The following NALF1 variants were observed in gnomAD, a reference collection of about 807,000 sequenced individuals.
NALF1 encodes the protein family with sequence similarity 155 member A.
In NALF1, 3 loss-of-function variants were observed where a neutral mutation model predicts 48.4. The ratio of observed to expected loss-of-function variants is 0.06; its 90% CI spans 0.03 to 0.16. The LOEUF is 0.16. Among genes scored for constraint, NALF1 ranks in the 10% least tolerant of loss-of-function variants. The pLI, the probability that NALF1 is intolerant of heterozygous loss-of-function variation, is 1.00. For synonymous variants in NALF1, 262 were observed against 245.7 expected, an observed-to-expected ratio of 1.07 and a Z score of -0.62; for missense variants, 526 against 571.5, an observed-to-expected ratio of 0.92 and a Z score of 0.81.
chr13:107,491,545 C>T (rs1875113600), intron 1 of NALF1, among the ~76,000 whole-genome samples: 1 of 152,112 alleles, frequency 6.6e-6, no homozygotes, highest in African/African-American at 2.4e-5. Context: ...GTGAGGGCAG[C>T]CCTATCATTC....
intron 1 of NALF1, among the ~76,000 whole-genome samples, chr13:107,256,513 G>A (rs1214688214): frequency 6.6e-6 from 1 of 152,160 alleles, no homozygotes; most frequent in Non-Finnish European, 1.5e-5. Context: ...AATTTGAGTA[G>A]CATGACAAAT....
At chr13:107,494,121 T>C (rs1237773701) in intron 1 of NALF1, among the ~76,000 whole-genome samples, 1 of 138,656 alleles carries the variant, frequency 7.2e-6, no homozygotes, top group Non-Finnish European at 1.5e-5. Context: ...GAACTACTGA[T>C]AAAAACAGAA....
At chr13:107,190,784 T>G (rs1397773106) in intron 2 of NALF1, among the ~76,000 whole-genome samples, 1 of 152,220 alleles carries the variant, frequency 6.6e-6, no homozygotes, top group African/African-American at 2.4e-5. Context: ...ATTTTAATAT[T>G]TCCAGTAGAA....
At chr13:107,788,400 T>C (rs1197210312) in intron 1 of NALF1, 1 of 152,214 alleles carries the variant, frequency 6.6e-6, no homozygotes, top group Admixed American at 6.5e-5. Context: ...TCTCTCTCTC[T>C]CTCTTCTTCC....
rs1594318400 is a variant in NALF1, at chr13:107,859,109, A to C, written c.915+6573T>G. On this transcript the variant is annotated intron_variant, in intron 1 of 2. Transcript: ENST00000375915. ...CACAGGCTCTGGAAATGCAGCTAAC[A>C]AATGGCAGGAGAGGACCCAGCGATG... 1.3e-5 allele frequency among the ~76,000 whole-genome samples: 2 copies of C among 152,320 alleles called. 1 individual carries two copies.
intron 1 of NALF1, among the ~76,000 whole-genome samples, chr13:107,570,214 T>C (rs1877945202): frequency 6.6e-6 from 1 of 152,064 alleles, no homozygotes; most frequent in Admixed American, 6.6e-5. Context: ...AGACTAGAAC[T>C]GCCAGTGCTA....
intron 1 of NALF1, among the ~76,000 whole-genome samples, chr13:107,755,994 A>G (rs1877081942): frequency 6.6e-6 from 1 of 152,168 alleles, no homozygotes; most frequent in Admixed American, 6.5e-5. Flanking sequence ...ACTTCAACTG[A>G]TATCAGAGCT....
chr13:107,262,642 A>T (rs1301369001), intron 1 of NALF1, among the ~76,000 whole-genome samples: 1 of 152,180 alleles, frequency 6.6e-6, no homozygotes, highest in Admixed American at 6.5e-5. Flanking sequence ...TTATGATAAG[A>T]ATAAGCACTG....
At chr13:107,187,648 G>A (rs554728070) in intron 2 of NALF1, among the ~76,000 whole-genome samples, 2 of 152,168 alleles carry the variant, frequency 1.3e-5, no homozygotes, top group East Asian at 1.9e-4. Flanking sequence ...GGAGACAGCC[G>A]GGCAGCTCAG....
chr13:107,708,117 C>T (rs1161800268), intron 1 of NALF1, among the ~76,000 whole-genome samples: 2 of 151,830 alleles, frequency 1.3e-5, no homozygotes, highest in Non-Finnish European at 2.9e-5. Context: ...AAGGTAAAAG[C>T]AGGGACCTTT....
chr13:107,739,049 C>G (rs1876549936), intron 1 of NALF1, among the ~76,000 whole-genome samples: 1 of 152,042 alleles, frequency 6.6e-6, no homozygotes, highest in Non-Finnish European at 1.5e-5. Context: ...TCTCAGCAAA[C>G]TAATACAGGG....
At chr13:107,505,613 G>A (rs117865283) in intron 1 of NALF1, among the ~76,000 whole-genome samples, 1,934 of 152,256 alleles carry the variant, frequency 0.013, 24 homozygotes, top group Middle Eastern at 0.037. Context: ...GAATGAGGAA[G>A]AATTAAGTAA....
chr13:107,734,725 A>C (rs1594234971), intron 1 of NALF1, among the ~76,000 whole-genome samples: 1 of 152,132 alleles, frequency 6.6e-6, no homozygotes, highest in African/African-American at 2.4e-5. Context: ...ATTTCATGTG[A>C]ATATTGTGAA....
chr13:107,547,473 G>A (rs1324578104), intron 1 of NALF1, among the ~76,000 whole-genome samples: 1 of 152,068 alleles, frequency 6.6e-6, no homozygotes, highest in East Asian at 1.9e-4. Flanking sequence ...AATAATTATT[G>A]AATGTTTCTC....
chr13:107,504,896 G>A (rs553730548), intron 1 of NALF1, among the ~76,000 whole-genome samples: 100 of 152,296 alleles, frequency 6.6e-4, no homozygotes, highest in African/African-American at 2.4e-3. Context: ...CAAATATTTA[G>A]GGAATGCCTA....
At chr13:107,236,713 CT>C (rs1249591959) in intron 1 of NALF1, among the ~76,000 whole-genome samples, 2 of 150,078 alleles carry the variant, frequency 1.3e-5, no homozygotes, top group Non-Finnish European at 2.9e-5. Context: ...ATCTATCTAT[CT>C]ATCTATCTAT....
intron 1 of NALF1, among the ~76,000 whole-genome samples, chr13:107,301,317 A>AG (rs1311045209): frequency 2.0e-5 from 3 of 152,236 alleles, no homozygotes; most frequent in Non-Finnish European, 4.4e-5. Flanking sequence ...TCTGATATTA[A>AG]GAATTAAAAA....
Position 107,866,352 on chromosome 13 carries a change from TGCTGCTGCTGCTGCC to T in NALF1, c.230_244del (p.Arg77_Gln81del), listed in dbSNP as rs753831832. On this transcript the variant is annotated inframe_deletion, in exon 1 of 3. Coordinates refer to ENST00000375915, the MANE Select transcript of NALF1 (RefSeq NM_001080396.3). This position sits in a 1 kb window ranked among gnomAD's most constrained non-coding sequence, Gnocchi z 4.4. ...CTGCCGCTGCCTCTGCTGCTGCTGC[TGCTGCTGCTGCTGCC>T]GCTGCTGCTGCTGGTGCTCCTTGTC... is the stretch of plus-strand genomic sequence containing the variant. 5.6e-6 allele frequency: 9 copies of T among 1,610,764 alleles called. No individual in the cohort carries two copies. The highest frequency in any genetic ancestry group is 4.5e-5 in the East Asian group (2 of 44,672).
intron 1 of NALF1, among the ~76,000 whole-genome samples, chr13:107,244,376 C>G (rs1594086596): frequency 6.6e-6 from 1 of 152,202 alleles, no homozygotes; most frequent in African/African-American, 2.4e-5. Context: ...CTATTTACTT[C>G]TTATGTAAAA....
Sources: allele counts gnomAD v4.1 joint callset (sites outside exome capture counted in the v4.1 genomes callset), GRCh38; gene constraint gnomAD v4.1.1; non-coding constraint Gnocchi (gnomAD v3.1); transcripts MANE v1.5; gene names NCBI Gene and HGNC (gene_info 2026-07-23, HGNC 2026-07-21).